Variants in FES observed in about 807,000 individuals in gnomAD.
FES encodes FES proto-oncogene, tyrosine kinase, also known as tyrosine-protein kinase Fes/Fps.
Under a neutral mutation model 109.6 loss-of-function variants are expected in FES, and 83 were observed. That is an observed-to-expected ratio of 0.76 (90% CI 0.63 to 0.91). The LOEUF is 0.91. Among genes scored for constraint, FES ranks in the 40% least tolerant of loss-of-function variants. FES has a pLI of 0.00. For synonymous variants in FES, 458 were observed against 442.1 expected, an observed-to-expected ratio of 1.04 and a Z score of -0.45; for missense variants, 943 against 1,070.9, an observed-to-expected ratio of 0.88 and a Z score of 1.67.
At chr15:90,892,167 T>C in intron 13 of FES, 56 bp downstream of exon 13, 1 of 1,600,794 alleles carries the variant, frequency 6.2e-7, no homozygotes, top group Non-Finnish European at 8.5e-7. Context: ...GAGTCGCGCC[T>C]GGGCCCCCTG....
intron 4 of FES, 21 bp from the exon 5 acceptor site, chr15:90,887,166 C>A: frequency 6.2e-7 from 1 of 1,612,128 alleles, no homozygotes; most frequent in African/African-American, 1.3e-5. Flanking sequence ...TCATCTATAC[C>A]CCTTGCCCCC....
chr15:90,894,119 A>C, intron 18 of FES, 61 bp downstream of exon 18: 1 of 1,572,854 alleles, frequency 6.4e-7, no homozygotes, highest in Non-Finnish European at 8.7e-7. Flanking sequence ...CTCCAGCCGG[A>C]CTCTTCTAAC....
At chr15:90,893,000 G>C in intron 14 of FES, 100 bp from the exon 15 acceptor site, 4 of 1,428,390 alleles carry the variant, frequency 2.8e-6, no homozygotes, top group Non-Finnish European at 3.8e-6. Flanking sequence ...ACACGTCCGG[G>C]TCTGCTGGCC....
intron 13 of FES, 113 bp downstream of exon 13, chr15:90,892,224 A>C (rs1596111120): frequency 3.4e-6 from 4 of 1,179,108 alleles, no homozygotes; most frequent in East Asian, 2.4e-5. Flanking sequence ...CCCCACTTGT[A>C]CCCCGACTCC....
At chr15:90,890,849 G>A in intron 10 of FES, 133 bp from the exon 11 acceptor site, 1 of 905,708 alleles carries the variant, frequency 1.1e-6, no homozygotes, top group Non-Finnish European at 1.7e-6. Context: ...AGGGGCCTGT[G>A]GATGGCTCTG....
Position 90,889,720 on chromosome 15 carries a change from A to G in FES, c.926+84A>G, listed in dbSNP as rs570537242. 5.6e-6 allele frequency: 9 copies of G among 1,603,622 alleles called. No individual in the cohort carries two copies. The African/African-American group carries it at 1.2e-4, about 21-fold the overall frequency. ...ATGTAGGCAGGGCTAGGTCGTGGAG[A>G]CTGTCCACACAGAGCTGTCACCAGG... On this transcript the variant is annotated intron_variant, in intron 7 of 18. Transcript: ENST00000328850. The surrounding 1 kb of genome is among the most constrained non-coding windows in gnomAD (Gnocchi z 6.1).
chr15:90,885,008 T>G, intron 1 of FES, 29 bp from the exon 2 acceptor site: 1 of 1,557,936 alleles, frequency 6.4e-7, no homozygotes, highest in Non-Finnish European at 8.7e-7. Flanking sequence ...CTGCCTTGCC[T>G]CCAGGGATGG....
At chr15:90,890,852 TG>T (rs1162399149) in intron 10 of FES, 129 bp from the exon 11 acceptor site, 8 of 917,362 alleles carry the variant, frequency 8.7e-6, no homozygotes, top group Non-Finnish European at 1.3e-5. Context: ...GGCCTGTGGA[TG>T]GCTCTGCATG....
intron 3 of FES, among the ~76,000 whole-genome samples, chr15:90,885,940 G>C (rs776522712): frequency 1.3e-5 from 2 of 149,284 alleles, no homozygotes; most frequent in Non-Finnish European, 3.0e-5. Context: ...GTTTGCCTTC[G>C]ACCTAGGCAG....
In FES at chr15:90,893,041, T is replaced by TG. The variant is rs1348120010; in HGVS notation, c.1827-53dup. On this transcript the variant is annotated intron_variant, in intron 14 of 18. Transcript: ENST00000328850. ...GGCCAAGCTCTTCTCCCATCATCCC[T>TG]GGGGGGCCCTGGGGAGGCGGGCCTG... 2.6e-6 allele frequency: 4 copies of TG among 1,560,360 alleles called. No homozygotes were observed. In the Admixed American group the frequency reaches 5.4e-5, roughly 21 times the overall value.
rs2032437892 is a variant in FES at position 90,885,081 on chromosome 15, C to T, written c.36C>T (p.Gly12=). 1 of 1,613,278 alleles carries T rather than the reference C, an allele frequency of 6.2e-7. No individual in the cohort carries two copies. Among genetic ancestry groups the T allele is most frequent in the East Asian group, 2.2e-5 (1 of 44,890 alleles). ...GFSSELCSPQ[G]HGVLQQMQEA... Reference sequence around the variant, plus strand: ...CTTCCGAGCTGTGCAGCCCCCAGGGCCACGGGGTCCTGCAGCAAATGCAGG... The same window carrying T: ...CTTCCGAGCTGTGCAGCCCCCAGGGTCACGGGGTCCTGCAGCAAATGCAGG... Residue 12 remains glycine, a synonymous_variant, in exon 2 of 19, where the codon GGC becomes GGT. Coordinates refer to ENST00000328850, the MANE Select transcript of FES (RefSeq NM_002005.4).
chr15:90,886,321 C>T (rs1049408007), intron 3 of FES, among the ~76,000 whole-genome samples: 1 of 152,234 alleles, frequency 6.6e-6, no homozygotes, highest in African/African-American at 2.4e-5. Context: ...ACTACAATGA[C>T]AGAGTTGAGT....
intron 16 of FES, 56 bp downstream of exon 16, chr15:90,893,470 A>C: frequency 6.6e-7 from 1 of 1,511,434 alleles, no homozygotes. Context: ...GTCAAGAGGT[A>C]CCTATACCCC....
intron 13 of FES, 170 bp from the exon 14 acceptor site, chr15:90,892,537 C>G (rs137867934): frequency 4.9e-6 from 3 of 610,044 alleles, no homozygotes; most frequent in African/African-American, 3.7e-5. Flanking sequence ...TCCCTGCCTG[C>G]CCCATGTGCT....
Position 90,885,190 on chromosome 15 carries a change from C to T in FES, c.145C>T (p.His49Tyr), listed in dbSNP as rs1347662415. Reference protein sequence around the residue: ...KSDREYAGLLHHMSLQDSGGQ... With the variant: ...KSDREYAGLLYHMSLQDSGGQ... Reference sequence around the variant, plus strand: ...TGACAGGGAGTATGCAGGACTGCTTCACCACATGTCCCTGCAGGACAGTGG... The same window carrying T: ...TGACAGGGAGTATGCAGGACTGCTTTACCACATGTCCCTGCAGGACAGTGG... Residue 49 changes from histidine (H) to tyrosine (Y), a missense_variant, in exon 2 of 19, where the codon CAC becomes TAC. Transcript: ENST00000328850. 6.2e-7 allele frequency: 1 copy of T among 1,613,730 alleles called. No individual in the cohort carries two copies. Among genetic ancestry groups the T allele is most frequent in the East Asian group, 2.2e-5 (1 of 44,896 alleles).
Position 90,893,950 on chromosome 15 carries a change from G to A in FES, c.2218G>A (p.Glu740Lys), listed in dbSNP as rs756091713. The A allele has an allele frequency of 1.9e-5, 31 of 1,613,566 alleles. No individual in the cohort carries two copies. The highest frequency in any genetic ancestry group is 2.5e-5 in the Non-Finnish European group (29 of 1,179,992). The change falls in exon 18 of 19, where the codon GAA becomes AAA. Residue 740 changes from glutamate (E) to lysine (K), a missense_variant. Physicochemically the swap from Glu to Lys is moderately conservative, Grantham distance 56. Coordinates refer to ENST00000328850, the MANE Select transcript of FES (RefSeq NM_002005.4). ...CTCCTCTGCAGGCCGCTACTCCTCCGAAAGCGACGTGTGGAGCTTTGGCAT... is the reference window on the plus strand; with the variant it reads ...CTCCTCTGCAGGCCGCTACTCCTCCAAAAGCGACGTGTGGAGCTTTGGCAT... ...EALNYGRYSS[E>K]SDVWSFGILL...
Position 90,885,069 on chromosome 15 carries a change from C to T in FES, c.24C>T (p.Cys8=). The change falls in exon 2 of 19, where the codon TGC becomes TGT. Residue 8 remains cysteine (C), a synonymous_variant. Transcript: ENST00000328850. MGFSSEL[C]SPQGHGVLQQ... ...CTATGGGCTTCTCTTCCGAGCTGTG[C>T]AGCCCCCAGGGCCACGGGGTCCTGC... The T allele has an allele frequency of 6.2e-7, 1 of 1,612,494 alleles. No homozygotes were observed.
Position 90,891,701 on chromosome 15 carries a change from A to G in FES, c.1653+25A>G, listed in dbSNP as rs761969189. Reference sequence around the variant, plus strand: ...GGTGAGCCTGCACCCAGCCTGGCCCATGCCACCTGTGGCAGGGCTTGGGGA... The same window carrying G: ...GGTGAGCCTGCACCCAGCCTGGCCCGTGCCACCTGTGGCAGGGCTTGGGGA... On this transcript the variant is annotated intron_variant, in intron 12 of 18. Coordinates refer to ENST00000328850, the MANE Select transcript of FES (RefSeq NM_002005.4). The G allele has an allele frequency of 2.5e-6, 4 of 1,612,422 alleles. No individual in the cohort carries two copies. In the East Asian group the frequency reaches 6.7e-5, roughly 27 times the overall value.
intron 3 of FES, 59 bp from the exon 4 acceptor site, chr15:90,886,902 C>T: frequency 6.5e-7 from 1 of 1,538,488 alleles, no homozygotes; most frequent in Non-Finnish European, 9.0e-7. Context: ...TCACCCCAGG[C>T]AAGAATCTTC....
Sources: allele counts gnomAD v4.1 joint callset (sites outside exome capture counted in the v4.1 genomes callset), GRCh38; gene constraint gnomAD v4.1.1; non-coding constraint Gnocchi (gnomAD v3.1); transcripts MANE v1.5; gene names NCBI Gene and HGNC (gene_info 2026-07-23, HGNC 2026-07-21).